EFNA5: variants seen among roughly 807,000 people sequenced by gnomAD.
The protein encoded by EFNA5 is ephrin A5.
Under a neutral mutation model 22.9 loss-of-function variants are expected in EFNA5, and 5 were observed. That is an observed-to-expected ratio of 0.22 (90% CI 0.11 to 0.46). The LOEUF (loss-of-function observed/expected upper bound fraction) is 0.46. Ranked by LOEUF, EFNA5 falls within the 20% of genes least tolerant of loss-of-function variation. The pLI, the probability that EFNA5 is intolerant of heterozygous loss-of-function variation, is 0.99. For missense variants in EFNA5, 237 were observed against 293.3 expected (o/e 0.81, Z 1.40); for synonymous variants, 113 against 112.2 (o/e 1.01, Z -0.04).
intron 1 of EFNA5, among the ~76,000 whole-genome samples, chr5:107,656,072 T>C (rs1401242514): frequency 6.6e-6 from 1 of 152,144 alleles, no homozygotes; most frequent in African/African-American, 2.4e-5. Context: ...TTCAACAAGC[T>C]CCTCATTGGA....
intron 1 of EFNA5, among the ~76,000 whole-genome samples, chr5:107,555,750 AAACTTCTTTATTAAGT>A (rs1302785738): frequency 6.6e-6 from 1 of 152,252 alleles, no homozygotes; most frequent in Non-Finnish European, 1.5e-5. Context: ...TAATGGAAAG[AAACTTCTTTATTAAGT>A]AGCAACTTGC....
chr5:107,460,410 C>T lies in EFNA5; in HGVS notation c.126-32901G>A, dbSNP rs115495109. Reference sequence around the variant, plus strand: ...AGGGACCATGAACTATCCATGAGTGCAAAATGGATACAGCACAAATTGATT... The same window carrying T: ...AGGGACCATGAACTATCCATGAGTGTAAAATGGATACAGCACAAATTGATT... On this transcript the variant is annotated intron_variant, in intron 1 of 4. Transcript: ENST00000333274. 6.6e-3 allele frequency among the ~76,000 whole-genome samples: 1,002 copies of T among 152,176 alleles called. 13 individuals are homozygous for T. The highest frequency in any genetic ancestry group is 0.023 in the African/African-American group (936 of 41,518).
At chr5:107,422,474 C>T (rs1022892805) in intron 2 of EFNA5, among the ~76,000 whole-genome samples, 1 of 152,150 alleles carries the variant, frequency 6.6e-6, no homozygotes, top group Non-Finnish European at 1.5e-5. Flanking sequence ...AGGTCAGAGT[C>T]GCTGCCTCTT....
chr5:107,432,177 A>G (rs1457276857), intron 1 of EFNA5, among the ~76,000 whole-genome samples: 8 of 152,222 alleles, frequency 5.3e-5, no homozygotes, highest in Non-Finnish European at 1.5e-5. Flanking sequence ...CATTTAGAAT[A>G]AGCCTCAGAT....
chr5:107,570,455 C>A (rs1470154736), intron 1 of EFNA5, among the ~76,000 whole-genome samples: 1 of 152,228 alleles, frequency 6.6e-6, no homozygotes, highest in African/African-American at 2.4e-5. Flanking sequence ...AGGGAAGTAG[C>A]AATGCCTTTC....
At chr5:107,524,731 C>A (rs1393204201) in intron 1 of EFNA5, among the ~76,000 whole-genome samples, 1 of 152,106 alleles carries the variant, frequency 6.6e-6, no homozygotes, top group Non-Finnish European at 1.5e-5. Flanking sequence ...CCCCTCAGGC[C>A]TAGAGTGAAC....
chr5:107,498,413 T>TA (rs752796907), intron 1 of EFNA5, among the ~76,000 whole-genome samples: 4 of 152,228 alleles, frequency 2.6e-5, no homozygotes, highest in Non-Finnish European at 4.4e-5. Context: ...TCATGCATAT[T>TA]ATACCAACAC....
chr5:107,561,506 T>C (rs1211832204), intron 1 of EFNA5, among the ~76,000 whole-genome samples: 1 of 152,050 alleles, frequency 6.6e-6, no homozygotes, highest in Non-Finnish European at 1.5e-5. Flanking sequence ...GTAGCTGGGA[T>C]TACAGGAGTG....
chr5:107,401,011 A>T (rs74535385), intron 2 of EFNA5, among the ~76,000 whole-genome samples: 1,540 of 152,324 alleles, frequency 0.01, 31 homozygotes, highest in African/African-American at 0.036. Context: ...TAACTTTAAC[A>T]TGTAGTATAG....
intron 4 of EFNA5, 112 bp downstream of exon 4, chr5:107,387,123 G>A: frequency 1.5e-6 from 1 of 681,956 alleles, no homozygotes; most frequent in East Asian, 2.8e-5. Flanking sequence ...ATGAGCAAAA[G>A]CAGAACAACA....
chr5:107,501,745 A>C (rs908667407), intron 1 of EFNA5, among the ~76,000 whole-genome samples: 13 of 151,894 alleles, frequency 8.6e-5, no homozygotes, highest in Non-Finnish European at 1.8e-4. Context: ...TGAAGCAGCA[A>C]TTATTTTCAT....
At chr5:107,502,920 C>G (rs574334055) in intron 1 of EFNA5, among the ~76,000 whole-genome samples, 1 of 152,174 alleles carries the variant, frequency 6.6e-6, no homozygotes, top group African/African-American at 2.4e-5. Context: ...CAGAGAGGCA[C>G]GCCAGTCAAC....
intron 1 of EFNA5, among the ~76,000 whole-genome samples, chr5:107,443,079 C>CT (rs5870259): frequency 1 from 152,268 of 152,268 alleles, 76,134 homozygotes; most frequent in Non-Finnish European, 1. Context: ...TAGATGAGCT[C>CT]TTGGAAAAGT....
At chr5:107,480,829 G>A (rs541078287) in intron 1 of EFNA5, among the ~76,000 whole-genome samples, 13 of 152,298 alleles carry the variant, frequency 8.5e-5, no homozygotes, top group African/African-American at 3.1e-4. Flanking sequence ...AACGAGCAAT[G>A]GGGACAAACA....
At chr5:107,588,999 C>T (rs1749254630) in intron 1 of EFNA5, among the ~76,000 whole-genome samples, 1 of 152,142 alleles carries the variant, frequency 6.6e-6, no homozygotes, top group Non-Finnish European at 1.5e-5. Context: ...AAAAAGGTTT[C>T]CAACATATCC....
At chr5:107,437,989 C>T (rs1749160459) in intron 1 of EFNA5, among the ~76,000 whole-genome samples, 1 of 152,190 alleles carries the variant, frequency 6.6e-6, no homozygotes, top group African/African-American at 2.4e-5. Context: ...GTCCTCTATT[C>T]AATTACCATT....
At chr5:107,484,399 C>G (rs764693678) in intron 1 of EFNA5, among the ~76,000 whole-genome samples, 1 of 152,140 alleles carries the variant, frequency 6.6e-6, no homozygotes, top group African/African-American at 2.4e-5. Context: ...TACTGCACAG[C>G]TGCCAAATAA....
chr5:107,391,936 T>C lies in EFNA5; in HGVS notation c.419-4165A>G, dbSNP rs184752411. On this transcript the variant is annotated intron_variant, in intron 2 of 4. Transcript: ENST00000333274. ...CATGACCTCAGACAGGGGCTCTAAC[T>C]TGAGCCTTCCCAAAAATCTTGGTCT... Among the ~76,000 whole-genome samples, 3 of 152,346 alleles carry C rather than the reference T, an allele frequency of 2.0e-5. No individual in the cohort carries two copies. The East Asian group carries it at 5.8e-4, about 29-fold the overall frequency.
chr5:107,400,542 T>C (rs563348136), intron 2 of EFNA5, among the ~76,000 whole-genome samples: 1 of 152,328 alleles, frequency 6.6e-6, no homozygotes, highest in Admixed American at 6.5e-5. Context: ...CCTGGTTTAT[T>C]GTCTACTTCC....
Sources: allele counts gnomAD v4.1 joint callset (sites outside exome capture counted in the v4.1 genomes callset), GRCh38; gene constraint gnomAD v4.1.1; transcripts MANE v1.5; gene names NCBI Gene and HGNC (gene_info 2026-07-23, HGNC 2026-07-21).